Variants in KCNQ5 observed in about 807,000 individuals in gnomAD.
KCNQ5 encodes the protein potassium voltage-gated channel subfamily KQT member 5.
In KCNQ5, 30 loss-of-function variants were observed where a neutral mutation model predicts 98.2. That is an observed-to-expected ratio of 0.31 (90% confidence interval 0.23 to 0.41). The LOEUF (loss-of-function observed/expected upper bound fraction) is 0.41. KCNQ5 is among the 10% of genes least tolerant of loss of function. KCNQ5 has a pLI of 1.00. For missense variants in KCNQ5, 835 were observed against 1,182.5 expected, an observed-to-expected ratio of 0.71 and a Z score of 4.31; for synonymous variants, 458 against 449.4, an observed-to-expected ratio of 1.02 and a Z score of -0.24.
chr6:72,718,716 T>C, intron 1 of KCNQ5, among the ~76,000 whole-genome samples: 1 of 152,144 alleles, frequency 6.6e-6, no homozygotes, highest in East Asian at 1.9e-4. Flanking sequence ...CCCAAAGTGC[T>C]GGGATTAGAG....
At chr6:73,013,719 G>A (rs573484329) in intron 2 of KCNQ5, among the ~76,000 whole-genome samples, 46 of 152,170 alleles carry the variant, frequency 3.0e-4, no homozygotes, top group South Asian at 1.7e-3. Context: ...AGAGCATCCC[G>A]CTGCCTCTCA....
chr6:72,977,330 A>G (rs1768203147), intron 1 of KCNQ5, among the ~76,000 whole-genome samples: 1 of 152,146 alleles, frequency 6.6e-6, no homozygotes, highest in Admixed American at 6.5e-5. Flanking sequence ...AAAAGCATCA[A>G]GTTTCATTAT....
At chr6:72,634,475 T>C (rs2098922814) in intron 1 of KCNQ5, among the ~76,000 whole-genome samples, 1 of 152,222 alleles carries the variant, frequency 6.6e-6, no homozygotes, top group Admixed American at 6.5e-5. Flanking sequence ...AGTTTGTGTA[T>C]GTAAAGAAAC....
chr6:72,792,110 G>T (rs976452363), intron 1 of KCNQ5, among the ~76,000 whole-genome samples: 2 of 152,108 alleles, frequency 1.3e-5, no homozygotes, highest in Non-Finnish European at 2.9e-5. Context: ...TAGCCATGGT[G>T]GCAAATCAAA....
intron 1 of KCNQ5, among the ~76,000 whole-genome samples, chr6:72,896,912 A>C (rs2150188847): frequency 6.6e-6 from 1 of 152,182 alleles, no homozygotes; most frequent in Non-Finnish European, 1.5e-5. Context: ...TTACTAGGGA[A>C]TTCTGAGTCC....
chr6:72,741,403 T>G (rs2154476182), intron 1 of KCNQ5, among the ~76,000 whole-genome samples: 1 of 152,298 alleles, frequency 6.6e-6, no homozygotes, highest in East Asian at 1.9e-4. Flanking sequence ...TGAAGAGACT[T>G]TCTCTCACCT....
intron 1 of KCNQ5, among the ~76,000 whole-genome samples, chr6:72,740,701 G>A (rs1307798679): frequency 6.6e-6 from 1 of 152,110 alleles, no homozygotes; most frequent in African/African-American, 2.4e-5. Context: ...GAGTTATGCA[G>A]ATGGATGAAA....
chr6:72,840,263 G>C (rs1019724058), intron 1 of KCNQ5, among the ~76,000 whole-genome samples: 1 of 152,082 alleles, frequency 6.6e-6, no homozygotes, highest in Non-Finnish European at 1.5e-5. Context: ...CAAATCCTTT[G>C]GATATGTACC....
Position 72,654,277 on chromosome 6 carries a change from A to G in KCNQ5, c.398+31690A>G, listed in dbSNP as rs575125889. Among the ~76,000 whole-genome samples, 4 of 152,048 alleles carry G rather than the reference A, an allele frequency of 2.6e-5. No individual in the cohort carries two copies. The East Asian group carries it at 7.7e-4, about 29-fold the overall frequency. The stretch of plus-strand genomic sequence containing the variant: ...GTGATACTAAGTTGTGTTTGGGAAT[A>G]TATTGGATTTAAAGTGATAGAAAGT... On this transcript the variant is annotated intron_variant, in intron 1 of 13. Transcript: ENST00000370398.
chr6:73,009,511 A>G (rs1769965969), intron 2 of KCNQ5, among the ~76,000 whole-genome samples: 1 of 152,196 alleles, frequency 6.6e-6, no homozygotes, highest in African/African-American at 2.4e-5. Flanking sequence ...GACCCAAGCT[A>G]GCCAGAACAA....
chr6:72,971,591 C>A (rs1401796983), intron 1 of KCNQ5, among the ~76,000 whole-genome samples: 1 of 152,194 alleles, frequency 6.6e-6, no homozygotes, highest in African/African-American at 2.4e-5. Context: ...GACCTGGAAC[C>A]AACTCAAATG....
intron 1 of KCNQ5, among the ~76,000 whole-genome samples, chr6:72,812,041 T>C (rs1000285373): frequency 6.6e-6 from 1 of 152,190 alleles, no homozygotes; most frequent in Non-Finnish European, 1.5e-5. Context: ...GTTGCCATGG[T>C]ATTTGTAAAC....
chr6:73,098,649 C>T (rs574897026), intron 5 of KCNQ5, among the ~76,000 whole-genome samples: 1 of 152,230 alleles, frequency 6.6e-6, no homozygotes, highest in South Asian at 2.1e-4. Flanking sequence ...AATAGTATAT[C>T]TGGCAAAAAT....
chr6:72,838,212 C>T (rs908928665), intron 1 of KCNQ5, among the ~76,000 whole-genome samples: 1 of 149,916 alleles, frequency 6.7e-6, no homozygotes, highest in Non-Finnish European at 1.5e-5. Flanking sequence ...TATCAATGTC[C>T]GAGACTTCAG....
intron 1 of KCNQ5, among the ~76,000 whole-genome samples, chr6:72,692,121 A>C (rs762466225): frequency 1.3e-5 from 2 of 152,238 alleles, no homozygotes; most frequent in Non-Finnish European, 2.9e-5. Context: ...ATTGTATCCT[A>C]GGCAATGCTG....
In KCNQ5 at chr6:73,195,135, G is replaced by A; in HGVS notation, c.2520G>A (p.Glu840=). 6.2e-7 allele frequency: 1 copy of A among 1,614,208 alleles called. No individual in the cohort carries two copies. Among genetic ancestry groups the A allele is most frequent in the South Asian group, 1.1e-5 (1 of 91,066 alleles). The change falls in exon 14 of 14, where the codon GAG becomes GAA. Residue 840 remains glutamate (E), a synonymous_variant. Transcript: ENST00000370398. ...LSVQNLIRST[E]ELNIQLSGSE... ...TGCAAAACCTGATCAGGTCGACCGA[G>A]GAACTGAATATACAACTTTCAGGGA...
chr6:72,753,778 G>C (rs1449174667), intron 1 of KCNQ5, among the ~76,000 whole-genome samples: 1 of 152,054 alleles, frequency 6.6e-6, no homozygotes, highest in African/African-American at 2.4e-5. Context: ...AAAATGGGTT[G>C]TTTGCTTTTC....
At chr6:72,885,159 A>T (rs1459356691) in intron 1 of KCNQ5, among the ~76,000 whole-genome samples, 1 of 152,238 alleles carries the variant, frequency 6.6e-6, no homozygotes, top group Non-Finnish European at 1.5e-5. Flanking sequence ...ATTAGCTTGT[A>T]TTATTTTTAA....
Position 72,636,532 on chromosome 6 carries a change from G to A in KCNQ5, c.398+13945G>A, listed in dbSNP as rs145711019. On this transcript the variant is annotated intron_variant, in intron 1 of 13. Transcript: ENST00000370398. Reference sequence around the variant, plus strand: ...TTAAGGCTTCTATTTCTCTAAACCTGTTTTCTCTCACACCTGAATGAATCT... The same window carrying A: ...TTAAGGCTTCTATTTCTCTAAACCTATTTTCTCTCACACCTGAATGAATCT... 1.1e-4 allele frequency among the ~76,000 whole-genome samples: 17 copies of A among 152,274 alleles called. 1 individual carries two copies. Among genetic ancestry groups the A allele is most frequent in the African/African-American group, 2.9e-4 (12 of 41,568 alleles).
Sources: gnomAD v4.1 joint callset for allele counts (sites outside exome capture counted in the v4.1 genomes callset) on GRCh38, gnomAD v4.1.1 for gene constraint, MANE v1.5 for transcripts, NCBI Gene and HGNC (gene_info 2026-07-23, HGNC 2026-07-21) for gene names.